CTDSPL: variants seen among roughly 807,000 people sequenced by gnomAD.
The protein encoded by CTDSPL is CTD small phosphatase-like protein.
In CTDSPL, 8 loss-of-function variants were observed where a neutral mutation model predicts 30.5. The ratio of observed to expected loss-of-function variants is 0.26; its 90% CI spans 0.15 to 0.47. The LOEUF is 0.47. CTDSPL is among the 20% of genes least tolerant of loss of function. The pLI, the probability that CTDSPL is intolerant of heterozygous loss-of-function variation, is 0.99. For missense variants in CTDSPL, 248 were observed against 366.1 expected (o/e 0.68, Z 2.63); for synonymous variants, 110 against 137.9 (o/e 0.80, Z 1.42).
chr3:37,941,551 C>G (rs548603474), intron 1 of CTDSPL, among the ~76,000 whole-genome samples: 1 of 149,200 alleles, frequency 6.7e-6, no homozygotes, highest in Non-Finnish European at 1.5e-5. Context: ...CACCACACTC[C>G]GCTAATTTTT....
At chr3:37,906,389 C>T (rs537030455) in intron 1 of CTDSPL, among the ~76,000 whole-genome samples, 1 of 152,332 alleles carries the variant, frequency 6.6e-6, no homozygotes, top group Non-Finnish European at 1.5e-5. Context: ...CAGACCACTG[C>T]ACTTCGGTCC....
At chr3:37,960,508 AT>A (rs1559645130) in intron 3 of CTDSPL, among the ~76,000 whole-genome samples, 37 of 27,242 alleles carry the variant, frequency 1.4e-3, no homozygotes, top group African/African-American at 3.3e-3. Flanking sequence ...AAAAAAAAAT[AT>A]ATATATATAT....
At chr3:37,921,514 G>A (rs776005211) in intron 1 of CTDSPL, among the ~76,000 whole-genome samples, 5 of 152,020 alleles carry the variant, frequency 3.3e-5, no homozygotes, top group Non-Finnish European at 5.9e-5. Flanking sequence ...CTGAGGACAG[G>A]AACAGTTCCT....
At chr3:37,969,501 G>A (rs767882361) in intron 5 of CTDSPL, 11 of 469,064 alleles carry the variant, frequency 2.3e-5, no homozygotes, top group East Asian at 5.9e-5. Context: ...GCCGGCATCC[G>A]GGCTCAGGAC....
At chr3:37,906,835 G>A (rs542747345) in intron 1 of CTDSPL, among the ~76,000 whole-genome samples, 98 of 152,276 alleles carry the variant, frequency 6.4e-4, no homozygotes, top group Non-Finnish European at 8.2e-4. Context: ...AAGTCACTTC[G>A]CCCTCTGAGC....
intron 1 of CTDSPL, among the ~76,000 whole-genome samples, chr3:37,932,701 T>A (rs940744743): frequency 6.6e-6 from 1 of 152,226 alleles, no homozygotes; most frequent in Admixed American, 6.5e-5. Flanking sequence ...ACAGCTTTAG[T>A]GGAACACCCC....
chr3:37,901,008 G>A (rs1410460987), intron 1 of CTDSPL, among the ~76,000 whole-genome samples: 1 of 152,132 alleles, frequency 6.6e-6, no homozygotes, highest in Non-Finnish European at 1.5e-5. Context: ...TGTTGGCCAG[G>A]CTGGTCTCAA....
chr3:37,926,209 C>A (rs1423379318), intron 1 of CTDSPL, among the ~76,000 whole-genome samples: 1 of 152,090 alleles, frequency 6.6e-6, no homozygotes, highest in Non-Finnish European at 1.5e-5. Flanking sequence ...AGGTACCACA[C>A]AATTAAGTGG....
At position 37,982,852 on chromosome 3, in the gene CTDSPL, C is replaced by T. The variant is rs1466244226; in HGVS notation, c.*1985C>T. The T allele has an allele frequency of 2.8e-6, 1 of 357,694 alleles. No homozygotes were observed. The highest frequency in any genetic ancestry group is 2.1e-5 in the African/African-American group (1 of 46,880). 22.2% of individuals were successfully genotyped at this position (357,694 alleles called of 1,614,324 possible). A position where few individuals can be genotyped will look rare whatever the true frequency, so the allele number is the denominator to read the frequency against. ...CCTTAAATGTCTTGAATGTTGCAGTCAAGTGTCTGTCATGTGTTGATATCC... is the reference window on the plus strand; with the variant it reads ...CCTTAAATGTCTTGAATGTTGCAGTTAAGTGTCTGTCATGTGTTGATATCC... On this transcript the variant is annotated 3_prime_UTR_variant, in exon 8 of 8. Transcript: ENST00000273179.
intron 1 of CTDSPL, among the ~76,000 whole-genome samples, chr3:37,929,400 G>A (rs986471392): frequency 2.0e-5 from 3 of 152,042 alleles, no homozygotes; most frequent in African/African-American, 4.8e-5. Context: ...ACAATATTAG[G>A]TCTTCCACTC....
At chr3:37,970,369 A>G (rs1010770846) in intron 5 of CTDSPL, among the ~76,000 whole-genome samples, 3 of 152,190 alleles carry the variant, frequency 2.0e-5, no homozygotes, top group Non-Finnish European at 4.4e-5. Context: ...GTTCTAGAGT[A>G]TGAGCTCTTC....
intron 1 of CTDSPL, among the ~76,000 whole-genome samples, chr3:37,923,281 G>A (rs1450923543): frequency 3.3e-5 from 5 of 152,178 alleles, no homozygotes; most frequent in Non-Finnish European, 5.9e-5. Flanking sequence ...TGGTGTTCTT[G>A]GAGTGACATT....
intron 1 of CTDSPL, among the ~76,000 whole-genome samples, chr3:37,919,092 G>T (rs955514425): frequency 6.6e-6 from 1 of 152,010 alleles, no homozygotes; most frequent in Admixed American, 6.6e-5. Flanking sequence ...ACCCCTAGTC[G>T]CTACCAGGGC....
chr3:37,919,807 C>T (rs865822229), intron 1 of CTDSPL, among the ~76,000 whole-genome samples: 1 of 152,108 alleles, frequency 6.6e-6, no homozygotes, highest in African/African-American at 2.4e-5. Flanking sequence ...TCGCTGGGCC[C>T]TGGGGGAAAC....
chr3:37,877,473 A>G (rs139707626), intron 1 of CTDSPL, among the ~76,000 whole-genome samples: 3 of 152,182 alleles, frequency 2.0e-5, no homozygotes, highest in Admixed American at 6.5e-5. Flanking sequence ...TTGTGTATGT[A>G]TGCCACCTTT....
At chr3:37,945,862 T>A (rs2125621837) in intron 1 of CTDSPL, among the ~76,000 whole-genome samples, 1 of 152,322 alleles carries the variant, frequency 6.6e-6, no homozygotes, top group African/African-American at 2.4e-5. Context: ...ATGCACTTAG[T>A]TTTGCTGCTG....
At chr3:37,893,878 C>T (rs984867982) in intron 1 of CTDSPL, among the ~76,000 whole-genome samples, 4 of 152,118 alleles carry the variant, frequency 2.6e-5, no homozygotes, top group African/African-American at 9.7e-5. Flanking sequence ...CCCCCCAGCC[C>T]ACATGATATT....
At chr3:37,956,993 A>G in intron 2 of CTDSPL, 118 bp from the exon 3 acceptor site, 1 of 847,076 alleles carries the variant, frequency 1.2e-6, no homozygotes, top group Non-Finnish European at 1.9e-6. Flanking sequence ...AAACACCACC[A>G]AGGTACAGAG....
intron 1 of CTDSPL, among the ~76,000 whole-genome samples, chr3:37,927,599 G>A (rs914113915): frequency 1.3e-5 from 2 of 149,382 alleles, no homozygotes; most frequent in Non-Finnish European, 3.0e-5. Flanking sequence ...CCCAAGGCCA[G>A]TCTTTTTTTG....
Sources: gnomAD v4.1 joint callset for allele counts (sites outside exome capture counted in the v4.1 genomes callset) on GRCh38, gnomAD v4.1.1 for gene constraint, MANE v1.5 for transcripts, NCBI Gene and HGNC (gene_info 2026-07-23, HGNC 2026-07-21) for gene names.